Variants in EPB41 observed in about 807,000 individuals in gnomAD.
EPB41 encodes erythrocyte membrane protein band 4.1, also known as protein 4.1.
EPB41 carries 65 observed loss-of-function variants against 108.0 expected under a neutral mutation model. That is an observed-to-expected ratio of 0.60 (90% CI 0.49 to 0.74). The LOEUF is 0.74. Among genes scored for constraint, EPB41 ranks in the 30% least tolerant of loss-of-function variants. The probability of loss-of-function intolerance (pLI) is 0.00; values close to 1 mark genes in which losing one functional copy is unlikely to be tolerated. For synonymous variants in EPB41, 336 were observed against 358.9 expected (o/e 0.94, Z 0.72); for missense variants, 875 against 1,037.0 (o/e 0.84, Z 2.15).
At chr1:29,044,354 A>G (rs1189077666) in intron 11 of EPB41, among the ~76,000 whole-genome samples, 2 of 152,204 alleles carry the variant, frequency 1.3e-5, no homozygotes, top group Admixed American at 1.3e-4. Context: ...TGCCTGATGT[A>G]TTGTCTTTTC....
At chr1:29,097,648 T>C in intron 16 of EPB41, 159 bp from the exon 17 acceptor site, 1 of 780,186 alleles carries the variant, frequency 1.3e-6, no homozygotes, top group Non-Finnish European at 2.1e-6. Flanking sequence ...AGGGTTACTT[T>C]GGAATACTGT....
chr1:29,048,902 T>C (rs1644005496), intron 11 of EPB41, among the ~76,000 whole-genome samples: 1 of 152,202 alleles, frequency 6.6e-6, no homozygotes, highest in Admixed American at 6.5e-5. Context: ...AGTGGAAATA[T>C]GTCTGTGTAA....
chr1:29,101,772 G>A (rs1310852382), intron 17 of EPB41, among the ~76,000 whole-genome samples: 6 of 152,128 alleles, frequency 3.9e-5, no homozygotes, highest in Admixed American at 6.5e-5. Context: ...CGTGGTGGAC[G>A]CACCCATAGT....
intron 7 of EPB41, among the ~76,000 whole-genome samples, chr1:29,029,623 A>G (rs2096763843): frequency 2.0e-5 from 3 of 152,348 alleles, no homozygotes; most frequent in South Asian, 4.1e-4. Context: ...TGAAAGCTCT[A>G]TATAACAGCT....
intron 1 of EPB41, among the ~76,000 whole-genome samples, chr1:28,924,183 G>A (rs2093309805): frequency 6.6e-6 from 1 of 152,216 alleles, no homozygotes; most frequent in African/African-American, 2.4e-5. Flanking sequence ...TCTCCAGGCA[G>A]AGTTGAGCCT....
At chr1:29,070,202 T>G (rs1650667901) in intron 16 of EPB41, 3 of 470,896 alleles carry the variant, frequency 6.4e-6, no homozygotes. Context: ...TACAGAAACT[T>G]TGCCAGGATA....
chr1:29,001,073 C>T (rs964390821), intron 4 of EPB41, among the ~76,000 whole-genome samples: 1 of 152,112 alleles, frequency 6.6e-6, no homozygotes, highest in African/African-American at 2.4e-5. Context: ...TGTGGTGGCT[C>T]ATGCCTGTAA....
intron 16 of EPB41, among the ~76,000 whole-genome samples, chr1:29,078,648 T>C (rs1655110316): frequency 6.6e-6 from 1 of 152,098 alleles, no homozygotes; most frequent in Non-Finnish European, 1.5e-5. Flanking sequence ...CACGGGAGCC[T>C]GAGGTAAGAG....
At chr1:29,080,355 G>T (rs915458821) in intron 16 of EPB41, among the ~76,000 whole-genome samples, 1 of 151,226 alleles carries the variant, frequency 6.6e-6, no homozygotes, top group Non-Finnish European at 1.5e-5. Context: ...GCCCACCTTG[G>T]CCTCCCAAAG....
intron 1 of EPB41, among the ~76,000 whole-genome samples, chr1:28,975,032 G>A (rs541681675): frequency 7.3e-5 from 11 of 151,118 alleles, no homozygotes; most frequent in African/African-American, 2.7e-4. Context: ...GACCTCAGGT[G>A]ATCACCTGCC....
At chr1:28,898,911 G>GA (rs2090997105) in intron 1 of EPB41, among the ~76,000 whole-genome samples, 2 of 152,220 alleles carry the variant, frequency 1.3e-5, no homozygotes, top group African/African-American at 4.8e-5. Context: ...AGTGGATAAG[G>GA]AAGCCCTTTT....
intron 1 of EPB41, among the ~76,000 whole-genome samples, chr1:28,925,077 C>T (rs10915209): frequency 0.19 from 28,225 of 151,668 alleles, 3,344 homozygotes; most frequent in East Asian, 0.47. Flanking sequence ...GCTTTTCCCC[C>T]GCCTCAGCCT....
chr1:29,015,727 T>A lies in EPB41; in HGVS notation c.865T>A (p.Tyr289Asn). The change falls in exon 6 of 21, where the codon TAT becomes AAT. Residue 289 changes from tyrosine (Y) to asparagine (N), a missense_variant. Tyr to Asn is a moderately radical substitution (Grantham distance 143, BLOSUM62 -2). Coordinates refer to ENST00000343067, the MANE Select transcript of EPB41 (RefSeq NM_001376013.1). ...GAATTTTACATTTAATGTAAAGTTT[T>A]ATCCACCTGACCCAGCACAGTTAAC... is the stretch of plus-strand genomic sequence containing the variant. ...PWNFTFNVKF[Y>N]PPDPAQLTED... The A allele has an allele frequency of 1.2e-6, 2 of 1,610,186 alleles. No individual in the cohort carries two copies. Among genetic ancestry groups the A allele is most frequent in the Non-Finnish European group, 1.7e-6 (2 of 1,176,714 alleles).
At chr1:29,101,806 C>T (rs1359523650) in intron 17 of EPB41, among the ~76,000 whole-genome samples, 2 of 151,968 alleles carry the variant, frequency 1.3e-5, no homozygotes, top group Non-Finnish European at 2.9e-5. Context: ...AAGGCTGAGG[C>T]GGAGGCTCCC....
intron 1 of EPB41, among the ~76,000 whole-genome samples, chr1:28,892,189 T>C (rs558504074): frequency 8.6e-5 from 13 of 151,814 alleles, no homozygotes; most frequent in Non-Finnish European, 1.3e-4. Context: ...ATTGTATCAT[T>C]AACCCCCTAC....
chr1:28,921,000 C>T (rs2093029411), intron 1 of EPB41, among the ~76,000 whole-genome samples: 1 of 152,130 alleles, frequency 6.6e-6, no homozygotes, highest in African/African-American at 2.4e-5. Flanking sequence ...AACCCCTGGG[C>T]TCAAGTGATC....
chr1:28,892,989 A>G (rs539075289), intron 1 of EPB41, among the ~76,000 whole-genome samples: 55 of 151,778 alleles, frequency 3.6e-4, no homozygotes, highest in African/African-American at 1.3e-3. Flanking sequence ...TTTTGGAGAG[A>G]CGGAGTTTCA....
At chr1:28,975,584 C>A (rs1029527196) in intron 1 of EPB41, among the ~76,000 whole-genome samples, 1 of 152,142 alleles carries the variant, frequency 6.6e-6, no homozygotes, top group African/African-American at 2.4e-5. Context: ...CAAGTCCCAA[C>A]AATTTAGCAT....
intron 1 of EPB41, among the ~76,000 whole-genome samples, chr1:28,891,858 G>A (rs1421893017): frequency 6.6e-6 from 1 of 152,140 alleles, no homozygotes; most frequent in Non-Finnish European, 1.5e-5. Flanking sequence ...GGAGGCCAAG[G>A]TGGGCGGGTC....
Sources: allele counts gnomAD v4.1 joint callset (sites outside exome capture counted in the v4.1 genomes callset), GRCh38; gene constraint gnomAD v4.1.1; transcripts MANE v1.5; gene names NCBI Gene and HGNC (gene_info 2026-07-23, HGNC 2026-07-21).